CCDC28A: variants seen among roughly 807,000 people sequenced by gnomAD.
CCDC28A encodes the protein coiled-coil domain-containing protein 28A.
CCDC28A carries 24 observed loss-of-function variants against 22.1 expected under a neutral mutation model. That is an observed-to-expected ratio of 1.09 (90% CI 0.79 to 1.53). The LOEUF is 1.53. Ranked by LOEUF, CCDC28A falls within the 40% of genes most tolerant of loss-of-function variation. The pLI, the probability that CCDC28A is intolerant of heterozygous loss-of-function variation, is 0.00. For missense variants in CCDC28A, 170 were observed against 210.7 expected (o/e 0.81, Z 1.20); for synonymous variants, 83 against 74.7 (o/e 1.11, Z -0.57).
At chr6:138,778,587 G>T (rs906480793) in intron 2 of CCDC28A, among the ~76,000 whole-genome samples, 3 of 152,286 alleles carry the variant, frequency 2.0e-5, no homozygotes, top group East Asian at 3.9e-4. Context: ...TGTGTGGGAG[G>T]TAGCATGCCA....
intron 5 of CCDC28A, among the ~76,000 whole-genome samples, chr6:138,789,055 T>C (rs1775133427): frequency 6.6e-6 from 1 of 152,200 alleles, no homozygotes; most frequent in Non-Finnish European, 1.5e-5. Flanking sequence ...TGAAATGACA[T>C]TTCACAATTA....
chr6:138,777,050 G>A (rs1774945020), intron 2 of CCDC28A, among the ~76,000 whole-genome samples: 1 of 152,130 alleles, frequency 6.6e-6, no homozygotes, highest in African/African-American at 2.4e-5. Context: ...ATATATGTGA[G>A]TATTTTATAG....
chr6:138,785,083 AAC>A, intron 3 of CCDC28A, 142 bp from the exon 4 acceptor site: 1 of 507,102 alleles, frequency 2.0e-6, no homozygotes, highest in Non-Finnish European at 3.3e-6. Context: ...TTTGTTATTA[AAC>A]ACAGAAAATA....
rs1436501491 is a variant in CCDC28A at position 138,783,353 on chromosome 6, G to T, written c.323-1874G>T. The stretch of plus-strand genomic sequence containing the variant: ...TATGATCACAGCTCACTGCAGCCTC[G>T]GCCTCCTTGAGCTCAAGCCATCCTC... On this transcript the variant is annotated intron_variant, in intron 3 of 5. Transcript: ENST00000617445. Among the ~76,000 whole-genome samples the T allele has an allele frequency of 3.5e-5, 5 of 143,120 alleles. No individual in the cohort carries two copies. In the East Asian group the frequency reaches 1.0e-3, roughly 29 times the overall value. The allele number at this position is 143,120 out of a possible 152,430, so 93.9% of individuals were successfully genotyped here.
In CCDC28A at chr6:138,776,681, C is replaced by CAT. The variant is rs1395968369; in HGVS notation, c.158+404_158+405insTA. Among the ~76,000 whole-genome samples, 311 of 151,100 alleles carry CAT rather than the reference C, an allele frequency of 2.1e-3. 1 individual carries two copies. Among genetic ancestry groups the CAT allele is most frequent in the East Asian group, 7.8e-3 (40 of 5,154 alleles). On this transcript the variant is annotated intron_variant, in intron 2 of 5. Transcript: ENST00000617445. Reference sequence around the variant, plus strand: ...CTTAATTTATTTTATTTTACACACACACATATATATATATATTTTTAAATA... The same window carrying CAT: ...CTTAATTTATTTTATTTTACACACACATACATATATATATATATTTTTAAATA...
intron 1 of CCDC28A, among the ~76,000 whole-genome samples, chr6:138,774,487 C>T (rs1306808840): frequency 2.6e-5 from 4 of 152,200 alleles, no homozygotes; most frequent in Non-Finnish European, 5.9e-5. Flanking sequence ...ACAAAAAATG[C>T]TTCTTAAAAG....
In CCDC28A at chr6:138,785,335, A is replaced by G. The variant is rs768862392; in HGVS notation, c.431A>G (p.Lys144Arg). 1 of 1,613,564 alleles carries G rather than the reference A, an allele frequency of 6.2e-7. No individual in the cohort carries two copies. Among genetic ancestry groups the G allele is most frequent in the South Asian group, 1.1e-5 (1 of 91,072 alleles). The change falls in exon 4 of 6, where the codon AAG becomes AGG. Residue 144 changes from lysine to arginine, a missense_variant. Lys to Arg is a conservative substitution (Grantham distance 26). Transcript: ENST00000617445. Reference protein sequence around the residue: ...YGELEELPEDKRKTASDSNLD... With the variant: ...YGELEELPEDRRKTASDSNLD... ...GAGTTAGAGGAACTTCCTGAGGATA[A>G]GAGAAAAACAGCCAGTGACTCCAAT...
chr6:138,775,197 C>G (rs909312755), intron 1 of CCDC28A, among the ~76,000 whole-genome samples: 2 of 152,190 alleles, frequency 1.3e-5, no homozygotes, highest in Non-Finnish European at 2.9e-5. Flanking sequence ...CCTTGGCCTT[C>G]CAAAGTGCTG....
At chr6:138,790,665 T>C (rs187140115) in intron 5 of CCDC28A, among the ~76,000 whole-genome samples, 1 of 152,324 alleles carries the variant, frequency 6.6e-6, no homozygotes, top group African/African-American at 2.4e-5. Context: ...TAATAGGTGT[T>C]CTCTCAGTAC....
At chr6:138,789,072 C>T (rs1470786215) in intron 5 of CCDC28A, among the ~76,000 whole-genome samples, 1 of 152,026 alleles carries the variant, frequency 6.6e-6, no homozygotes, top group African/African-American at 2.4e-5. Flanking sequence ...ATTAAATGTA[C>T]TTAGTGTATT....
In CCDC28A at chr6:138,793,315, A is replaced by G. The variant is rs1202221231; in HGVS notation, c.*512A>G. The G allele has an allele frequency of 6.5e-6, 1 of 154,158 alleles. No individual in the cohort carries two copies. Among genetic ancestry groups the G allele is most frequent in the Non-Finnish European group, 1.4e-5 (1 of 69,056 alleles). The allele number at this position is 154,158 out of a possible 1,614,324, so 9.5% of individuals were successfully genotyped here. A position where few individuals can be genotyped will look rare whatever the true frequency, so the allele number is the denominator to read the frequency against. On this transcript the variant is annotated 3_prime_UTR_variant, in exon 6 of 6. Transcript: ENST00000617445. ...TTTTTTAATAAAGTAATTGTTTTAA[A>G]TTAATCTCTGTTGTCTGTTTTGAAG...
In CCDC28A at chr6:138,779,952, A is replaced by C. The variant is rs1340709682; in HGVS notation, c.289A>C (p.Asn97His). The change falls in exon 3 of 6, where the codon AAT (asparagine) becomes CAT (histidine). Residue 97 changes from asparagine to histidine, a missense_variant. Asn to His is a moderately conservative substitution (Grantham distance 68). Transcript: ENST00000617445. Reference protein sequence around the residue: ...EMERGLLSLLNDFHSGKLQAF... With the variant: ...EMERGLLSLLHDFHSGKLQAF... ...GGAGAGAGGGCTGCTCAGTCTTTTGAATGATTTCCACTCTGGAAAACTTCA... is the reference window on the plus strand; with the variant it reads ...GGAGAGAGGGCTGCTCAGTCTTTTGCATGATTTCCACTCTGGAAAACTTCA... 1.2e-6 allele frequency: 2 copies of C among 1,612,570 alleles called. No homozygotes were observed. The highest frequency in any genetic ancestry group is 1.7e-6 in the Non-Finnish European group (2 of 1,179,480).
At chr6:138,792,664 TTC>T in intron 5 of CCDC28A, 83 bp from the exon 6 acceptor site, 1 of 848,542 alleles carries the variant, frequency 1.2e-6, no homozygotes, top group Non-Finnish European at 2.0e-6. Flanking sequence ...AAATACCGCT[TTC>T]TCTTTGCTCC....
At chr6:138,792,379 T>C (rs1775183759) in intron 5 of CCDC28A, among the ~76,000 whole-genome samples, 1 of 151,962 alleles carries the variant, frequency 6.6e-6, no homozygotes, top group African/African-American at 2.4e-5. Flanking sequence ...TAACAAAGAA[T>C]AGAAAAATTA....
chr6:138,776,045 G>C, intron 1 of CCDC28A, 34 bp from the exon 2 acceptor site: 1 of 1,519,386 alleles, frequency 6.6e-7, no homozygotes, highest in Non-Finnish European at 9.1e-7. Flanking sequence ...GCATATTATA[G>C]CATACATATA....
intron 5 of CCDC28A, among the ~76,000 whole-genome samples, chr6:138,791,020 C>T (rs1169169728): frequency 6.6e-6 from 1 of 152,074 alleles, no homozygotes; most frequent in African/African-American, 2.4e-5. Context: ...GACTTAATAT[C>T]CTTAAAAGAA....
intron 5 of CCDC28A, among the ~76,000 whole-genome samples, chr6:138,790,003 A>T (rs1164482637): frequency 6.6e-6 from 1 of 152,204 alleles, no homozygotes; most frequent in African/African-American, 2.4e-5. Flanking sequence ...AGATTAAGAT[A>T]TTATTGTCAA....
chr6:138,776,155 A>C lies in CCDC28A; in HGVS notation c.35A>C (p.Lys12Thr). The change falls in exon 2 of 6, where the codon AAG becomes ACG. Residue 12 changes from lysine to threonine, a missense_variant. Transcript: ENST00000617445. ...EERKVKRRSP[K>T]SFSAHCTQVV... is the part of the protein sequence containing the mutation. Reference sequence around the variant, plus strand: ...CGGAAAGTGAAGAGGAGGAGTCCTAAGTCTTTTAGTGCCCACTGTACTCAG... The same window carrying C: ...CGGAAAGTGAAGAGGAGGAGTCCTACGTCTTTTAGTGCCCACTGTACTCAG... The C allele has an allele frequency of 6.2e-7, 1 of 1,614,092 alleles. No homozygotes were observed. Among genetic ancestry groups the C allele is most frequent in the Non-Finnish European group, 8.5e-7 (1 of 1,179,972 alleles).
chr6:138,785,189 T>A lies in CCDC28A; in HGVS notation c.323-38T>A, dbSNP rs200099976. On this transcript the variant is annotated intron_variant, in intron 3 of 5. Transcript: ENST00000617445. ...TTTACTCAATGCTGTTAGTTTGAACTGTCCTAATCATTATTAATGTTCTGG... is the reference window on the plus strand; with the variant it reads ...TTTACTCAATGCTGTTAGTTTGAACAGTCCTAATCATTATTAATGTTCTGG... The A allele has an allele frequency of 4.7e-6, 7 of 1,496,542 alleles. No individual in the cohort carries two copies. In the East Asian group the frequency reaches 1.6e-4, roughly 34 times the overall value. 92.7% of individuals were successfully genotyped at this position (1,496,542 alleles called of 1,614,324 possible).
Sources: gnomAD v4.1 joint callset for allele counts (sites outside exome capture counted in the v4.1 genomes callset) on GRCh38, gnomAD v4.1.1 for gene constraint, MANE v1.5 for transcripts, NCBI Gene and HGNC (gene_info 2026-07-23, HGNC 2026-07-21) for gene names.